The following CMC1 variants were observed in gnomAD, a reference collection of about 807,000 sequenced individuals.
CMC1 encodes the protein COX assembly mitochondrial protein homolog.
A neutral mutation model predicts 14.1 loss-of-function variants in CMC1; 14 were observed. The observed-to-expected ratio is 0.99, with a 90% CI of 0.66 to 1.55. The LOEUF is 1.55. Among genes scored for constraint, CMC1 ranks in the 40% most tolerant of loss-of-function variants. CMC1 has a pLI of 0.00. For missense variants in CMC1, 127 were observed against 123.8 expected (o/e 1.03, Z -0.12); for synonymous variants, 50 against 38.4 (o/e 1.30, Z -1.12).
rs1319199482 is a variant in CMC1, at chr3:28,324,390, A to G, written c.*4761A>G. On this transcript the variant is annotated 3_prime_UTR_variant, in exon 4 of 4. Transcript: ENST00000466830. Reference sequence around the variant, plus strand: ...GATGTCTTGTGTATGTTGCAGTAAAATTCATCAAGTGCAGTTTTGTGCTGT... The same window carrying G: ...GATGTCTTGTGTATGTTGCAGTAAAGTTCATCAAGTGCAGTTTTGTGCTGT... 5.8e-6 allele frequency: 9 copies of G among 1,559,150 alleles called. No individual in the cohort carries two copies. The highest frequency in any genetic ancestry group is 7.8e-6 in the Non-Finnish European group (9 of 1,152,218).
chr3:28,242,028 A>T, intron 1 of CMC1: 1 of 424,950 alleles, frequency 2.4e-6, no homozygotes, highest in South Asian at 1.3e-4. Flanking sequence ...TTTGTTGTCT[A>T]AAGTATCATC....
At chr3:28,290,077 T>C (rs967025050) in intron 2 of CMC1, among the ~76,000 whole-genome samples, 3 of 152,132 alleles carry the variant, frequency 2.0e-5, no homozygotes, top group South Asian at 4.1e-4. Context: ...TTTTGAACAG[T>C]ATTGAGTGAT....
At chr3:28,267,295 C>G (rs1700056164) in intron 2 of CMC1, among the ~76,000 whole-genome samples, 1 of 152,090 alleles carries the variant, frequency 6.6e-6, no homozygotes, top group African/African-American at 2.4e-5. Context: ...CATTATATTT[C>G]TTTGCTTTTT....
At chr3:28,309,821 C>CACACA (rs1702530510) in intron 2 of CMC1, among the ~76,000 whole-genome samples, 6 of 131,878 alleles carry the variant, frequency 4.5e-5, no homozygotes, top group African/African-American at 1.8e-4. Context: ...CTGATATTTA[C>CACACA]CACACACACA....
intron 2 of CMC1, among the ~76,000 whole-genome samples, chr3:28,281,486 C>A (rs1005936848): frequency 5.9e-5 from 9 of 152,100 alleles, no homozygotes; most frequent in African/African-American, 2.2e-4. Flanking sequence ...GCTCTGAATG[C>A]ACAGAATTAA....
intron 1 of CMC1, among the ~76,000 whole-genome samples, chr3:28,248,149 C>T (rs998590185): frequency 4.6e-5 from 7 of 151,824 alleles, no homozygotes; most frequent in South Asian, 4.2e-4. Flanking sequence ...AGATATGATG[C>T]GCCTATATGT....
At chr3:28,270,461 T>G (rs186564934) in intron 2 of CMC1, among the ~76,000 whole-genome samples, 13 of 152,242 alleles carry the variant, frequency 8.5e-5, no homozygotes, top group African/African-American at 2.9e-4. Flanking sequence ...CTGACTGGCA[T>G]GAGATGGTAT....
intron 1 of CMC1, among the ~76,000 whole-genome samples, chr3:28,247,842 G>A (rs1280148859): frequency 1.3e-5 from 2 of 152,084 alleles, no homozygotes; most frequent in African/African-American, 4.8e-5. Flanking sequence ...ACCTAAGGTA[G>A]GCTAAGCTGT....
chr3:28,317,975 G>T (rs750479494), intron 3 of CMC1: 1 of 151,806 alleles, frequency 6.6e-6, no homozygotes, highest in South Asian at 2.1e-4. Context: ...AAGGATGGCT[G>T]TTTCTGCTTG....
At position 28,273,247 on chromosome 3, in the gene CMC1, C is replaced by A. The variant is rs184340535; in HGVS notation, c.109+9867C>A. On this transcript the variant is annotated intron_variant, in intron 2 of 3. Transcript: ENST00000466830. ...AGCACTTAGTGCTATAAATTTCCCT[C>A]TTAACACTGCTTTAGCTGCATCCCA... Among the ~76,000 whole-genome samples, 9 of 152,320 alleles carry A rather than the reference C, an allele frequency of 5.9e-5. No homozygotes were observed. In the East Asian group the frequency reaches 1.7e-3, roughly 29 times the overall value.
intron 2 of CMC1, among the ~76,000 whole-genome samples, chr3:28,289,492 T>G (rs1471843608): frequency 6.6e-6 from 1 of 152,032 alleles, no homozygotes; most frequent in Non-Finnish European, 1.5e-5. Context: ...AGTTGCCATT[T>G]AGGGTCGTAT....
chr3:28,256,052 T>G (rs1340042188), intron 1 of CMC1, among the ~76,000 whole-genome samples: 1 of 152,084 alleles, frequency 6.6e-6, no homozygotes, highest in Non-Finnish European at 1.5e-5. Context: ...GTCTTACACA[T>G]GCACACATAC....
At chr3:28,305,532 A>T (rs914220001) in intron 2 of CMC1, among the ~76,000 whole-genome samples, 1 of 152,140 alleles carries the variant, frequency 6.6e-6, no homozygotes, top group Non-Finnish European at 1.5e-5. Context: ...CATTCTGTTT[A>T]TAAGCATTCC....
chr3:28,265,759 A>T (rs543543749), intron 2 of CMC1, among the ~76,000 whole-genome samples: 1 of 152,324 alleles, frequency 6.6e-6, no homozygotes, highest in South Asian at 2.1e-4. Flanking sequence ...AAGATGCCTC[A>T]TTATAGTCAC....
intron 2 of CMC1, among the ~76,000 whole-genome samples, chr3:28,284,538 G>C (rs1163512932): frequency 6.6e-6 from 1 of 152,070 alleles, no homozygotes; most frequent in Admixed American, 6.6e-5. Flanking sequence ...AGCTTTCAAG[G>C]TGATTTGAAT....
At chr3:28,313,418 A>G (rs1322990108) in intron 2 of CMC1, among the ~76,000 whole-genome samples, 3 of 152,108 alleles carry the variant, frequency 2.0e-5, no homozygotes, top group Non-Finnish European at 2.9e-5. Context: ...AGTAATTAAA[A>G]TTATTGATAG....
intron 2 of CMC1, among the ~76,000 whole-genome samples, chr3:28,273,221 G>A (rs574850331): frequency 6.6e-6 from 1 of 152,266 alleles, no homozygotes; most frequent in South Asian, 2.1e-4. Context: ...TTTTTGTTGT[G>A]AGCACTTAGT....
intron 2 of CMC1, among the ~76,000 whole-genome samples, chr3:28,306,873 T>G (rs1445327065): frequency 6.6e-6 from 1 of 152,138 alleles, no homozygotes; most frequent in Non-Finnish European, 1.5e-5. Flanking sequence ...TCTCCAATCC[T>G]GACCTCAGGT....
intron 2 of CMC1, chr3:28,292,720 T>C (rs1248381843): frequency 6.6e-6 from 1 of 152,202 alleles, no homozygotes; most frequent in Non-Finnish European, 1.5e-5. Context: ...TTAATCTCTT[T>C]ATTGCCTTTC....
Sources: gnomAD v4.1 joint callset for allele counts (sites outside exome capture counted in the v4.1 genomes callset) on GRCh38, gnomAD v4.1.1 for gene constraint, MANE v1.5 for transcripts, NCBI Gene and HGNC (gene_info 2026-07-23, HGNC 2026-07-21) for gene names.